RBMS3: variants seen among roughly 807,000 people sequenced by gnomAD.
RBMS3 encodes the protein RNA-binding motif, single-stranded-interacting protein 3.
RBMS3 carries 27 observed loss-of-function variants against 66.8 expected under a neutral mutation model. That is an observed-to-expected ratio of 0.40 (90% CI 0.30 to 0.56). The LOEUF (loss-of-function observed/expected upper bound fraction) is 0.56. RBMS3 is among the 20% of genes least tolerant of loss of function. The pLI is 0.40. For synonymous variants in RBMS3, 188 were observed against 183.0 expected (o/e 1.03, Z -0.22); for missense variants, 513 against 549.5 (o/e 0.93, Z 0.66).
intron 1 of RBMS3, among the ~76,000 whole-genome samples, chr3:29,374,691 C>G (rs747671918): frequency 6.6e-6 from 1 of 152,076 alleles, no homozygotes; most frequent in Non-Finnish European, 1.5e-5. Context: ...ATTTTCAACT[C>G]GTGATATTTT....
chr3:29,389,892 G>A (rs1470818668), intron 1 of RBMS3, among the ~76,000 whole-genome samples: 1 of 152,132 alleles, frequency 6.6e-6, no homozygotes, highest in African/African-American at 2.4e-5. Context: ...GCTTCATAGA[G>A]GTAGAAATAG....
chr3:29,852,375 C>G (rs542410385), intron 6 of RBMS3, among the ~76,000 whole-genome samples: 1 of 152,284 alleles, frequency 6.6e-6, no homozygotes, highest in South Asian at 2.1e-4. Context: ...AGTAAACAGA[C>G]AACCTACAGA....
intron 6 of RBMS3, among the ~76,000 whole-genome samples, chr3:29,841,886 A>G (rs2058670487): frequency 6.6e-6 from 1 of 152,088 alleles, no homozygotes; most frequent in African/African-American, 2.4e-5. Context: ...GTTAGGAAGA[A>G]GAGACACAAT....
chr3:29,293,431 G>A (rs1241336150), intron 1 of RBMS3, among the ~76,000 whole-genome samples: 1 of 151,784 alleles, frequency 6.6e-6, no homozygotes, highest in Non-Finnish European at 1.5e-5. Context: ...CAAGGAGCAG[G>A]TCAGTTGAGG....
At chr3:29,383,367 T>C (rs1203598701) in intron 1 of RBMS3, among the ~76,000 whole-genome samples, 5 of 152,242 alleles carry the variant, frequency 3.3e-5, no homozygotes, top group Admixed American at 6.5e-5. Context: ...GCCTCTGATA[T>C]TGAATGCAAA....
intron 3 of RBMS3, among the ~76,000 whole-genome samples, chr3:29,528,942 C>T (rs192777059): frequency 7.6e-4 from 116 of 151,998 alleles, no homozygotes; most frequent in African/African-American, 2.7e-3. Context: ...TGGGGTTTCA[C>T]CGTGTTGGCC....
chr3:29,369,925 G>A (rs187039323), intron 1 of RBMS3, among the ~76,000 whole-genome samples: 3 of 152,126 alleles, frequency 2.0e-5, no homozygotes, highest in South Asian at 2.1e-4. Flanking sequence ...CCAAACCTCC[G>A]AGACTTTGGC....
At chr3:29,350,182 G>A (rs1272631188) in intron 1 of RBMS3, among the ~76,000 whole-genome samples, 1 of 149,400 alleles carries the variant, frequency 6.7e-6, no homozygotes, top group Non-Finnish European at 1.5e-5. Flanking sequence ...AAAAAATCTA[G>A]TTGTTCATTT....
At chr3:29,301,747 G>C (rs2033686358) in intron 1 of RBMS3, among the ~76,000 whole-genome samples, 1 of 151,944 alleles carries the variant, frequency 6.6e-6, no homozygotes, top group Non-Finnish European at 1.5e-5. Flanking sequence ...TCAAACTTTA[G>C]CATGCTTAAG....
chr3:29,736,707 G>A (rs527945970), intron 4 of RBMS3, among the ~76,000 whole-genome samples: 5 of 152,208 alleles, frequency 3.3e-5, no homozygotes, highest in Admixed American at 3.3e-4. Context: ...AGACATGTGG[G>A]ACTCAGAAAT....
chr3:29,683,612 A>T (rs2051592742), intron 4 of RBMS3, among the ~76,000 whole-genome samples: 1 of 152,098 alleles, frequency 6.6e-6, no homozygotes, highest in African/African-American at 2.4e-5. Flanking sequence ...ACACAAACAC[A>T]CCACCTCCTT....
intron 3 of RBMS3, among the ~76,000 whole-genome samples, chr3:29,494,283 C>T (rs2043658037): frequency 6.6e-6 from 1 of 152,074 alleles, no homozygotes; most frequent in Admixed American, 6.6e-5. Context: ...CCACCCACAC[C>T]CTGTAAGTTA....
chr3:29,593,423 G>A (rs2047828865), intron 4 of RBMS3, among the ~76,000 whole-genome samples: 1 of 152,170 alleles, frequency 6.6e-6, no homozygotes, highest in Non-Finnish European at 1.5e-5. Context: ...GGTAAACATA[G>A]AGGCTTCTCA....
intron 3 of RBMS3, among the ~76,000 whole-genome samples, chr3:29,565,990 G>A (rs1029551838): frequency 4.6e-5 from 7 of 152,098 alleles, no homozygotes; most frequent in African/African-American, 1.4e-4. Context: ...GTGTATCAGA[G>A]AGTTATGAGA....
At chr3:29,430,611 C>T (rs545863637) in intron 1 of RBMS3, among the ~76,000 whole-genome samples, 2 of 152,244 alleles carry the variant, frequency 1.3e-5, no homozygotes, top group Non-Finnish European at 2.9e-5. Context: ...TATGGAAATG[C>T]TTACAAAGAG....
chr3:29,752,285 T>C (rs1203314400), intron 5 of RBMS3, among the ~76,000 whole-genome samples: 1 of 151,824 alleles, frequency 6.6e-6, no homozygotes, highest in Non-Finnish European at 1.5e-5. Context: ...ATCCAGCTGG[T>C]TCCTCTTTTC....
intron 4 of RBMS3, among the ~76,000 whole-genome samples, chr3:29,677,342 G>A (rs191129304): frequency 6.6e-5 from 10 of 152,210 alleles, no homozygotes; most frequent in South Asian, 2.1e-4. Context: ...CTATCTGATC[G>A]CTAACAAGCT....
chr3:29,628,318 C>A (rs568022959), intron 4 of RBMS3, among the ~76,000 whole-genome samples: 16 of 152,206 alleles, frequency 1.1e-4, no homozygotes, highest in Non-Finnish European at 2.2e-4. Context: ...CATTTCCCTG[C>A]TAGATAAAGG....
At chr3:29,355,261 G>A (rs1044975703) in intron 1 of RBMS3, among the ~76,000 whole-genome samples, 1 of 151,780 alleles carries the variant, frequency 6.6e-6, no homozygotes, top group African/African-American at 2.4e-5. Flanking sequence ...ACTTTTAATT[G>A]AATTAAAGTA....
Sources: allele counts gnomAD v4.1 joint callset (sites outside exome capture counted in the v4.1 genomes callset), GRCh38; gene constraint gnomAD v4.1.1; transcripts MANE v1.5; gene names NCBI Gene and HGNC (gene_info 2026-07-23, HGNC 2026-07-21).